Variants in PCSK6 observed in about 807,000 individuals in gnomAD.
The protein encoded by PCSK6 is proprotein convertase subtilisin/kexin type 6.
PCSK6 carries 85 observed loss-of-function variants against 123.3 expected under a neutral mutation model. The ratio of observed to expected loss-of-function variants is 0.69; its 90% CI spans 0.58 to 0.83. The LOEUF is 0.83. Ranked by LOEUF, PCSK6 falls within the 40% of genes least tolerant of loss-of-function variation. PCSK6 has a pLI of 0.00. For missense variants in PCSK6, 1,191 were observed against 1,282.3 expected, an observed-to-expected ratio of 0.93 and a Z score of 1.09; for synonymous variants, 508 against 516.0, an observed-to-expected ratio of 0.98 and a Z score of 0.21.
intron 1 of PCSK6, among the ~76,000 whole-genome samples, chr15:101,451,812 T>C (rs1311835914): frequency 6.6e-6 from 1 of 152,182 alleles, no homozygotes; most frequent in African/African-American, 2.4e-5. Context: ...TTAGACTCTA[T>C]AAAAACCTAC....
intron 6 of PCSK6, among the ~76,000 whole-genome samples, chr15:101,402,412 T>G (rs1240833917): frequency 2.6e-5 from 4 of 151,054 alleles, no homozygotes; most frequent in Non-Finnish European, 5.9e-5. Context: ...AAGACAAAAT[T>G]GACAAATGGG....
At chr15:101,391,616 C>G (rs188147805) in intron 8 of PCSK6, among the ~76,000 whole-genome samples, 42 of 152,336 alleles carry the variant, frequency 2.8e-4, no homozygotes, top group Admixed American at 2.5e-3. Context: ...GGTGGACACA[C>G]CTGCTCACAT....
At chr15:101,443,449 GA>G (rs1461942174) in intron 2 of PCSK6, 106 bp downstream of exon 2, 2 of 744,518 alleles carry the variant, frequency 2.7e-6, no homozygotes, top group African/African-American at 3.5e-5. Context: ...AGTGAATATG[GA>G]AAACTCATGT....
chr15:101,322,297 G>T (rs1009078213), intron 18 of PCSK6, among the ~76,000 whole-genome samples: 1 of 152,166 alleles, frequency 6.6e-6, no homozygotes, highest in African/African-American at 2.4e-5. Flanking sequence ...GTGCTGCTTT[G>T]CCCAATTCGC....
intron 13 of PCSK6, chr15:101,347,322 T>C: frequency 1.6e-6 from 2 of 1,234,512 alleles, no homozygotes; most frequent in Non-Finnish European, 2.0e-6. Flanking sequence ...TCAAGATGGC[T>C]AGCAATAAAA....
intron 9 of PCSK6, among the ~76,000 whole-genome samples, chr15:101,384,711 T>C (rs2042010202): frequency 6.6e-6 from 1 of 152,240 alleles, no homozygotes; most frequent in Admixed American, 6.5e-5. Flanking sequence ...CAGAGCCATA[T>C]GGGAAATTCT....
chr15:101,316,757 G>A (rs866604314), intron 19 of PCSK6, among the ~76,000 whole-genome samples: 2 of 152,288 alleles, frequency 1.3e-5, no homozygotes, highest in Middle Eastern at 3.4e-3. Context: ...CTTGGCCACA[G>A]CCTTGTTCAT....
chr15:101,336,275 T>A (rs1358573623), intron 13 of PCSK6, among the ~76,000 whole-genome samples: 1 of 152,256 alleles, frequency 6.6e-6, no homozygotes, highest in African/African-American at 2.4e-5. Context: ...CTCACAGGGT[T>A]GCTTTGGAGA....
chr15:101,398,339 C>T lies in PCSK6; in HGVS notation c.996+65G>A, dbSNP rs995785175. 2.4e-5 allele frequency: 37 copies of T among 1,528,508 alleles called. No homozygotes were observed. The highest frequency in any genetic ancestry group is 3.2e-5 in the Non-Finnish European group (36 of 1,127,116). 94.7% of individuals were successfully genotyped at this position (1,528,508 alleles called of 1,614,324 possible). A position where few individuals can be genotyped will look rare whatever the true frequency, so the allele number is the denominator to read the frequency against. On this transcript the variant is annotated intron_variant, in intron 7 of 21. Coordinates refer to ENST00000611716, the MANE Select transcript of PCSK6 (RefSeq NM_002570.5). The surrounding 1 kb of genome is among the most constrained non-coding windows in gnomAD (Gnocchi z 4.6). ...GGCTGTGGCCAGTGTCACTCTGATA[C>T]TTGTTAAAATGTTTACTGTCACCCT...
chr15:101,406,213 C>T (rs2042774089), intron 6 of PCSK6, among the ~76,000 whole-genome samples: 1 of 46,218 alleles, frequency 2.2e-5, no homozygotes, highest in Non-Finnish European at 5.3e-5. Context: ...CACAAGCCCA[C>T]ACACCCACAC....
Position 101,370,657 on chromosome 15 carries a change from C to T in PCSK6, c.1533-134G>A, listed in dbSNP as rs1039942711. ...CCCTGCGGGCCCCGGGGAGCCGCAGCAGCCTCTGACTGCCTCACGTGGATG... is the reference window on the plus strand; with the variant it reads ...CCCTGCGGGCCCCGGGGAGCCGCAGTAGCCTCTGACTGCCTCACGTGGATG... On this transcript the variant is annotated intron_variant, in intron 11 of 21. Transcript: ENST00000611716. The T allele has an allele frequency of 8.7e-6, 6 of 691,612 alleles. No individual in the cohort carries two copies. In the African/African-American group the frequency reaches 1.1e-4, roughly 13 times the overall value. 42.8% of individuals were successfully genotyped at this position (691,612 alleles called of 1,614,324 possible).
At chr15:101,384,048 G>A (rs754447110) in intron 10 of PCSK6, 7 of 906,384 alleles carry the variant, frequency 7.7e-6, no homozygotes, top group Non-Finnish European at 9.2e-6. Flanking sequence ...AGAGAACTAT[G>A]AGTAAATATT....
At chr15:101,413,247 A>T (rs1483359569) in intron 6 of PCSK6, among the ~76,000 whole-genome samples, 1 of 152,236 alleles carries the variant, frequency 6.6e-6, no homozygotes, top group Non-Finnish European at 1.5e-5. Context: ...TATTACAAAT[A>T]TAAATGGGAG....
At chr15:101,314,542 G>A (rs753193378) in intron 19 of PCSK6, among the ~76,000 whole-genome samples, 6 of 152,196 alleles carry the variant, frequency 3.9e-5, no homozygotes, top group Admixed American at 6.5e-5. Context: ...GGGGCCTCTC[G>A]CTGCATCAAG....
chr15:101,351,285 A>G (rs1170164216), intron 13 of PCSK6, among the ~76,000 whole-genome samples: 1 of 152,274 alleles, frequency 6.6e-6, no homozygotes, highest in African/African-American at 2.4e-5. Flanking sequence ...TACTGCAGGT[A>G]TAACTTAAAA....
intron 15 of PCSK6, among the ~76,000 whole-genome samples, chr15:101,327,047 G>A (rs1161130172): frequency 3.9e-5 from 6 of 152,176 alleles, no homozygotes; most frequent in African/African-American, 1.4e-4. Context: ...TGCTGGCCAG[G>A]TCTAGGGTGG....
intron 1 of PCSK6, among the ~76,000 whole-genome samples, chr15:101,487,024 C>T (rs947707664): frequency 2.0e-5 from 3 of 152,186 alleles, no homozygotes; most frequent in African/African-American, 7.2e-5. Context: ...ATAATATCTA[C>T]ATCTTATTTA....
chr15:101,431,691 G>A lies in PCSK6; in HGVS notation c.514-228C>T, dbSNP rs115727350. On this transcript the variant is annotated intron_variant, in intron 3 of 21. Transcript: ENST00000611716. ...GCAATCTATATTTTCCCAGGGCATC[G>A]CCTCCCAGCAGGAGCTCTGTCCATG... 0.037 allele frequency among the ~76,000 whole-genome samples: 5,692 copies of A among 152,172 alleles called. 286 individuals are homozygous for A. Among genetic ancestry groups the A allele is most frequent in the African/African-American group, 0.12 (4,922 of 41,478 alleles).
intron 2 of PCSK6, among the ~76,000 whole-genome samples, chr15:101,433,282 G>A (rs2056502327): frequency 6.6e-6 from 1 of 152,228 alleles, no homozygotes; most frequent in South Asian, 2.1e-4. Context: ...ACCAGTGCCT[G>A]GAGCACTCCT....
Sources: allele counts gnomAD v4.1 joint callset (sites outside exome capture counted in the v4.1 genomes callset), GRCh38; gene constraint gnomAD v4.1.1; non-coding constraint Gnocchi (gnomAD v3.1); transcripts MANE v1.5; gene names NCBI Gene and HGNC (gene_info 2026-07-23, HGNC 2026-07-21).